IL6ST: variants seen among roughly 807,000 people sequenced by gnomAD.
IL6ST encodes interleukin-6 receptor subunit beta.
IL6ST carries 24 observed loss-of-function variants against 91.3 expected under a neutral mutation model. That is an observed-to-expected ratio of 0.26 (90% CI 0.19 to 0.37). The LOEUF (loss-of-function observed/expected upper bound fraction) is 0.37. Among genes scored for constraint, IL6ST ranks in the 10% least tolerant of loss-of-function variants. IL6ST has a pLI of 1.00. For synonymous variants in IL6ST, 351 were observed against 373.6 expected (o/e 0.94, Z 0.70); for missense variants, 914 against 1,078.5 (o/e 0.85, Z 2.14).
chr5:55,958,337 A>G (rs1409031193), intron 8 of IL6ST, among the ~76,000 whole-genome samples: 4 of 152,356 alleles, frequency 2.6e-5, no homozygotes, highest in East Asian at 1.9e-4. Context: ...TTCAAAACTT[A>G]TAATAGCCAT....
intron 15 of IL6ST, among the ~76,000 whole-genome samples, chr5:55,943,374 C>G (rs958511788): frequency 1.3e-5 from 2 of 152,110 alleles, no homozygotes; most frequent in African/African-American, 4.8e-5. Flanking sequence ...AACCTTCCCA[C>G]AAAACTCTGG....
intron 16 of IL6ST, 128 bp from the exon 17 acceptor site, chr5:55,941,947 A>G (rs1000024946): frequency 5.5e-6 from 4 of 729,760 alleles, no homozygotes; most frequent in Non-Finnish European, 6.9e-6. Flanking sequence ...AGTCACTGTC[A>G]ACTACCCAAA....
At chr5:55,981,899 T>A (rs1478021955) in intron 2 of IL6ST, among the ~76,000 whole-genome samples, 1 of 152,220 alleles carries the variant, frequency 6.6e-6, no homozygotes, top group Non-Finnish European at 1.5e-5. Flanking sequence ...AGATTATTTC[T>A]GAAAACCAAA....
chr5:55,959,040 A>G (rs918201232), intron 8 of IL6ST, among the ~76,000 whole-genome samples: 5 of 152,092 alleles, frequency 3.3e-5, no homozygotes, highest in Admixed American at 1.3e-4. Context: ...TTAAAAAAAA[A>G]TTATGAGCTG....
At chr5:55,972,104 T>C (rs999586467) in intron 3 of IL6ST, among the ~76,000 whole-genome samples, 1 of 152,202 alleles carries the variant, frequency 6.6e-6, no homozygotes, top group Non-Finnish European at 1.5e-5. Flanking sequence ...TTATACTTTC[T>C]CTAAAGTAAT....
chr5:55,987,657 CCTTT>C (rs1356557108), intron 1 of IL6ST, among the ~76,000 whole-genome samples: 5 of 152,184 alleles, frequency 3.3e-5, no homozygotes, highest in Non-Finnish European at 7.3e-5. Context: ...ACTTTTACTT[CCTTT>C]ATCTGTAAAC....
rs1554021947 is a variant in IL6ST, at chr5:55,936,364, TA to T, written c.*4717del. 31 of 188,852 alleles carry T rather than the reference TA, an allele frequency of 1.6e-4. No individual in the cohort carries two copies. The highest frequency in any genetic ancestry group is 1.2e-3 in the East Asian group (17 of 14,068). 11.7% of individuals were successfully genotyped at this position (188,852 alleles called of 1,614,324 possible). The stretch of plus-strand genomic sequence containing the variant: ...AGGTTTTTTTTTTTTTTTTTTTTTT[TA>T]ATGTCCACTAGGAGGGAGGATGCTA... On this transcript the variant is annotated 3_prime_UTR_variant, in exon 17 of 17. Transcript: ENST00000381298.
Position 55,936,649 on chromosome 5 carries a change from A to G in IL6ST, c.*4433T>C, listed in dbSNP as rs1750552153. On this transcript the variant is annotated 3_prime_UTR_variant, in exon 17 of 17. Coordinates refer to ENST00000381298, the MANE Select transcript of IL6ST (RefSeq NM_002184.4). ...GATAGTAACCACATACAGAAAAAAAATTTGAACAAGTATTTATTTCTTAAA... is the reference window on the plus strand; with the variant it reads ...GATAGTAACCACATACAGAAAAAAAGTTTGAACAAGTATTTATTTCTTAAA... 1 of 195,454 alleles carries G rather than the reference A, an allele frequency of 5.1e-6. No homozygotes were observed. Among genetic ancestry groups the G allele is most frequent in the Admixed American group, 6.1e-5 (1 of 16,486 alleles). 12.1% of individuals were successfully genotyped at this position (195,454 alleles called of 1,614,324 possible). A position where few individuals can be genotyped will look rare whatever the true frequency, so the allele number is the denominator to read the frequency against.
At chr5:55,955,084 C>G in intron 10 of IL6ST, 92 bp from the exon 11 acceptor site, 1 of 908,434 alleles carries the variant, frequency 1.1e-6, no homozygotes, top group Non-Finnish European at 1.7e-6. Flanking sequence ...TGTGATTTAT[C>G]AATTTTTGTA....
At chr5:55,965,984 C>G (rs1752609741) in intron 5 of IL6ST, among the ~76,000 whole-genome samples, 1 of 152,128 alleles carries the variant, frequency 6.6e-6, no homozygotes, top group Non-Finnish European at 1.5e-5. Context: ...AGGGAATCAA[C>G]TAATTATAAA....
chr5:55,953,110 A>G (rs1041320985), intron 11 of IL6ST, among the ~76,000 whole-genome samples: 3 of 152,296 alleles, frequency 2.0e-5, no homozygotes, highest in South Asian at 4.1e-4. Flanking sequence ...CTTTTTTAGC[A>G]TGCACCACTA....
chr5:55,949,739 AC>A (rs1302575942), intron 14 of IL6ST, among the ~76,000 whole-genome samples: 1 of 152,164 alleles, frequency 6.6e-6, no homozygotes, highest in Non-Finnish European at 1.5e-5. Flanking sequence ...AAGCTCAGGA[AC>A]TTTTATCATT....
In IL6ST at chr5:55,940,367, T is replaced by C. The variant is rs1020789964; in HGVS notation, c.*715A>G. On this transcript the variant is annotated 3_prime_UTR_variant, in exon 17 of 17. Transcript: ENST00000381298. Reference sequence around the variant, plus strand: ...TTTGTGAAATGCATCTTCAAAGAGGTTGTCAATAATATGCAAATTTTTGAA... The same window carrying C: ...TTTGTGAAATGCATCTTCAAAGAGGCTGTCAATAATATGCAAATTTTTGAA... The C allele has an allele frequency of 1.9e-5, 4 of 208,876 alleles. No individual in the cohort carries two copies. The highest frequency in any genetic ancestry group is 3.8e-4 in the South Asian group (2 of 5,318). The allele number at this position is 208,876 out of a possible 1,614,324, so 12.9% of individuals were successfully genotyped here. A position where few individuals can be genotyped will look rare whatever the true frequency, so the allele number is the denominator to read the frequency against.
At chr5:55,962,941 T>C (rs1036109017) in intron 7 of IL6ST, among the ~76,000 whole-genome samples, 2 of 151,920 alleles carry the variant, frequency 1.3e-5, no homozygotes, top group Non-Finnish European at 2.9e-5. Context: ...ACGGCGAGAC[T>C]CCATCTCCAC....
chr5:55,969,871 A>G lies in IL6ST; in HGVS notation c.65-16T>C. On this transcript the variant is annotated splice_polypyrimidine_tract_variant and intron_variant, in intron 3 of 16. Transcript: ENST00000381298. Reference sequence around the variant, plus strand: ...AGAAGTTCACCTAAAAAGGAACAATAGAAAATATATAAATGGACTGAATTT... The same window carrying G: ...AGAAGTTCACCTAAAAAGGAACAATGGAAAATATATAAATGGACTGAATTT... 2 of 1,538,404 alleles carry G rather than the reference A, an allele frequency of 1.3e-6. No individual in the cohort carries two copies. Among genetic ancestry groups the G allele is most frequent in the Non-Finnish European group, 1.8e-6 (2 of 1,126,242 alleles).
intron 11 of IL6ST, 41 bp from the exon 12 acceptor site, chr5:55,952,392 GA>G: frequency 1.7e-6 from 2 of 1,195,736 alleles, no homozygotes; most frequent in Non-Finnish European, 2.4e-6. Flanking sequence ...TTTCCATAAT[GA>G]AAAAGTCAAG....
At position 55,963,439 on chromosome 5, in the gene IL6ST, C is replaced by A. The variant is rs373310801; in HGVS notation, c.726G>T (p.Leu242Phe). ...NSEELSSILKLTWTNPSIKSV... is the reference protein window; with the variant it reads ...NSEELSSILKFTWTNPSIKSV... Reference sequence around the variant, plus strand: ...TCTTAATACTTGGGTTGGTCCATGTCAATTTTAAGATACTAGACAGTTCCT... The same window carrying A: ...TCTTAATACTTGGGTTGGTCCATGTAAATTTTAAGATACTAGACAGTTCCT... The change falls in exon 7 of 17, where the codon TTG becomes TTT. Residue 242 changes from leucine to phenylalanine, a missense_variant. By Grantham distance (22) the Leu-to-Phe change is conservative. Coordinates refer to ENST00000381298, the MANE Select transcript of IL6ST (RefSeq NM_002184.4). The A allele has an allele frequency of 1.2e-6, 2 of 1,607,336 alleles. No individual in the cohort carries two copies. Among genetic ancestry groups the A allele is most frequent in the South Asian group, 1.1e-5 (1 of 90,890 alleles).
At chr5:55,961,953 A>T (rs1055887279) in intron 7 of IL6ST, among the ~76,000 whole-genome samples, 1 of 152,216 alleles carries the variant, frequency 6.6e-6, no homozygotes, top group Non-Finnish European at 1.5e-5. Flanking sequence ...AGAAGGGTAG[A>T]GCGTAGATGT....
At chr5:55,952,826 TTAAGGTG>T (rs1455901346) in intron 11 of IL6ST, among the ~76,000 whole-genome samples, 10 of 151,938 alleles carry the variant, frequency 6.6e-5, no homozygotes, top group Non-Finnish European at 1.5e-4. Context: ...CTTTGGGAGG[TTAAGGTG>T]GGAGGATCAC....
Sources: allele counts gnomAD v4.1 joint callset (sites outside exome capture counted in the v4.1 genomes callset), GRCh38; gene constraint gnomAD v4.1.1; transcripts MANE v1.5; gene names NCBI Gene and HGNC (gene_info 2026-07-23, HGNC 2026-07-21).